Variants in PTPRT observed in about 807,000 individuals in gnomAD.
PTPRT encodes the protein receptor-type tyrosine-protein phosphatase T.
Under a neutral mutation model 176.8 loss-of-function variants are expected in PTPRT, and 56 were observed. That is an observed-to-expected ratio of 0.32 (90% CI 0.26 to 0.40). The LOEUF is 0.40. Ranked by LOEUF, PTPRT falls within the 10% of genes least tolerant of loss-of-function variation. The pLI is 1.00. For synonymous variants in PTPRT, 783 were observed against 739.0 expected, an observed-to-expected ratio of 1.06 and a Z score of -0.96; for missense variants, 1,540 against 1,908.2, an observed-to-expected ratio of 0.81 and a Z score of 3.60.
At chr20:43,166,565 A>G (rs1486401278) in intron 1 of PTPRT, among the ~76,000 whole-genome samples, 1 of 152,210 alleles carries the variant, frequency 6.6e-6, no homozygotes, top group Non-Finnish European at 1.5e-5. Context: ...CCAGTAACCA[A>G]TTGAAGTTAA....
intron 2 of PTPRT, among the ~76,000 whole-genome samples, chr20:42,870,172 C>T (rs1313728692): frequency 2.0e-5 from 3 of 152,134 alleles, no homozygotes; most frequent in African/African-American, 7.2e-5. Context: ...CCCTCCTCTC[C>T]CCAGCCCCTG....
At chr20:42,587,395 A>T (rs2073490599) in intron 7 of PTPRT, among the ~76,000 whole-genome samples, 1 of 152,152 alleles carries the variant, frequency 6.6e-6, no homozygotes, top group African/African-American at 2.4e-5. Context: ...AACTAGCTGC[A>T]CTCTGCCCTT....
At chr20:42,110,274 A>G (rs990759081) in intron 23 of PTPRT, 59 bp downstream of exon 23, 2 of 1,496,400 alleles carry the variant, frequency 1.3e-6, no homozygotes, top group Admixed American at 4.1e-5. Flanking sequence ...CTGGTCTCGA[A>G]CTCCTGACCT....
chr20:42,143,603 A>C (rs149647608), intron 17 of PTPRT, among the ~76,000 whole-genome samples: 14 of 151,208 alleles, frequency 9.3e-5, no homozygotes, highest in South Asian at 2.1e-4. Flanking sequence ...GCAACACATG[A>C]TGGTACCTTG....
intron 16 of PTPRT, among the ~76,000 whole-genome samples, chr20:42,181,607 T>C (rs1426744608): frequency 1.3e-5 from 2 of 152,208 alleles, no homozygotes; most frequent in Non-Finnish European, 2.9e-5. Context: ...CAGCAATGCA[T>C]AAGATCAGTT....
chr20:42,527,754 G>A (rs967475366), intron 7 of PTPRT, among the ~76,000 whole-genome samples: 1 of 152,146 alleles, frequency 6.6e-6, no homozygotes, highest in Non-Finnish European at 1.5e-5. Flanking sequence ...TAATTAGGTT[G>A]TCTGGAATTT....
At chr20:42,771,398 C>A (rs368781946) in intron 5 of PTPRT, 37 bp downstream of exon 5, 1 of 1,545,828 alleles carries the variant, frequency 6.5e-7, no homozygotes, top group East Asian at 2.2e-5. Flanking sequence ...CCTTTCTCAT[C>A]CTAACGAGTC....
chr20:42,899,653 C>T (rs908303490), intron 1 of PTPRT, among the ~76,000 whole-genome samples: 1 of 152,220 alleles, frequency 6.6e-6, no homozygotes, highest in Non-Finnish European at 1.5e-5. Context: ...TCTACCAGGG[C>T]AGGAAGTGTG....
At chr20:42,648,648 G>A (rs1025451508) in intron 7 of PTPRT, among the ~76,000 whole-genome samples, 7 of 151,990 alleles carry the variant, frequency 4.6e-5, no homozygotes, top group African/African-American at 1.5e-4. Flanking sequence ...TCGACTCCAA[G>A]GTGTACCATT....
intron 2 of PTPRT, among the ~76,000 whole-genome samples, chr20:42,816,192 T>C (rs563262632): frequency 1.3e-5 from 2 of 152,136 alleles, no homozygotes; most frequent in Non-Finnish European, 2.9e-5. Context: ...AGATCTCTCA[T>C]GAAATAAGAG....
chr20:42,282,846 G>A (rs755029453), intron 12 of PTPRT, among the ~76,000 whole-genome samples: 5 of 152,002 alleles, frequency 3.3e-5, no homozygotes, highest in Non-Finnish European at 5.9e-5. Context: ...ACAATAACAC[G>A]TAGTGGGTAC....
chr20:42,360,959 T>C (rs903340161), intron 9 of PTPRT, among the ~76,000 whole-genome samples: 1 of 152,170 alleles, frequency 6.6e-6, no homozygotes, highest in African/African-American at 2.4e-5. Flanking sequence ...GGATTAAGAA[T>C]GAAAATGTAA....
intron 17 of PTPRT, among the ~76,000 whole-genome samples, chr20:42,149,481 T>TG (rs904879210): frequency 7.3e-5 from 11 of 151,272 alleles, no homozygotes; most frequent in African/African-American, 2.2e-4. Context: ...TGGAGTGCAA[T>TG]GGCATGATCT....
At chr20:42,490,604 C>A (rs1432780953) in intron 7 of PTPRT, among the ~76,000 whole-genome samples, 1 of 152,040 alleles carries the variant, frequency 6.6e-6, no homozygotes, top group Non-Finnish European at 1.5e-5. Flanking sequence ...TTTTTGATTG[C>A]AATTGATTTT....
intron 9 of PTPRT, among the ~76,000 whole-genome samples, chr20:42,405,185 CTTTTT>C (rs752650847): frequency 1.4e-5 from 2 of 145,222 alleles, no homozygotes; most frequent in South Asian, 2.2e-4. Flanking sequence ...GGCCACATTT[CTTTTT>C]TTTTTCTTTT....
Position 42,440,556 on chromosome 20 carries a change from C to A in PTPRT, c.1560+7664G>T, listed in dbSNP as rs1368026241. Among the ~76,000 whole-genome samples the A allele has an allele frequency of 7.3e-5, 11 of 151,638 alleles. No individual in the cohort carries two copies. In the East Asian group the frequency reaches 2.1e-3, roughly 30 times the overall value. On this transcript the variant is annotated intron_variant, in intron 9 of 30. Coordinates refer to ENST00000373187, the MANE Select transcript of PTPRT (RefSeq NM_007050.6). ...GAAGTGGCACAATCTTGGCTCACTG[C>A]AAGATCCGCCTCCCAGGTTCACGCC...
chr20:43,176,367 T>A (rs1247683518), intron 1 of PTPRT, among the ~76,000 whole-genome samples: 1 of 152,258 alleles, frequency 6.6e-6, no homozygotes, highest in African/African-American at 2.4e-5. Flanking sequence ...AGCAGCACAA[T>A]CATAGCTCAC....
chr20:42,833,733 T>C (rs567530252), intron 2 of PTPRT, among the ~76,000 whole-genome samples: 9 of 152,224 alleles, frequency 5.9e-5, no homozygotes, highest in Admixed American at 2.0e-4. Flanking sequence ...TTCTGAGGGA[T>C]TGACAAAGTT....
intron 8 of PTPRT, among the ~76,000 whole-genome samples, chr20:42,467,321 G>T (rs964341962): frequency 6.6e-6 from 1 of 152,140 alleles, no homozygotes; most frequent in African/African-American, 2.4e-5. Flanking sequence ...TACAGTGGAG[G>T]GACCGGGCAG....
Sources: allele counts gnomAD v4.1 joint callset (sites outside exome capture counted in the v4.1 genomes callset), GRCh38; gene constraint gnomAD v4.1.1; transcripts MANE v1.5; gene names NCBI Gene and HGNC (gene_info 2026-07-23, HGNC 2026-07-21).